LRBA: variants seen among roughly 807,000 people sequenced by gnomAD.
LRBA encodes the protein lipopolysaccharide-responsive and beige-like anchor protein.
A neutral mutation model predicts 330.0 loss-of-function variants in LRBA; 176 were observed. The observed-to-expected ratio is 0.53, with a 90% CI of 0.47 to 0.60. The LOEUF (loss-of-function observed/expected upper bound fraction) is 0.60, where lower values mean the gene tolerates loss of function less well. Ranked by LOEUF, LRBA falls within the 20% of genes least tolerant of loss-of-function variation. The pLI is 0.00. For missense variants in LRBA, 3,259 were observed against 3,444.8 expected, an observed-to-expected ratio of 0.95 and a Z score of 1.35; for synonymous variants, 1,230 against 1,193.0, an observed-to-expected ratio of 1.03 and a Z score of -0.64.
rs748265041 is a variant in LRBA, at chr4:150,282,533, T to A, written c.8233A>T (p.Ile2745Leu). The A allele has an allele frequency of 2.5e-6, 4 of 1,614,130 alleles. No individual in the cohort carries two copies. The highest frequency in any genetic ancestry group is 3.4e-6 in the Non-Finnish European group (4 of 1,179,968). ...CAGAAGAGGCCGTTTTCATAGAATA[T>A]GACACAATGACCCTCTCTTGAAGCC... ...IQASREGHCV[I>L]FYENGLFCTF... is the part of the protein sequence containing the mutation. Residue 2745 changes from isoleucine (I) to leucine (L), a missense_variant, in exon 55 of 57, where the codon ATA becomes TTA. Physicochemically the swap from Ile to Leu is conservative, Grantham distance 5. Transcript: ENST00000651943.
rs1329256446 is a variant in LRBA at position 150,264,647 on chromosome 4, T to C, written c.*1075A>G. 6.6e-6 allele frequency: 1 copy of C among 152,542 alleles called. No individual in the cohort carries two copies. Among genetic ancestry groups the C allele is most frequent in the African/African-American group, 2.4e-5 (1 of 41,406 alleles). 9.4% of individuals were successfully genotyped at this position (152,542 alleles called of 1,614,324 possible). A position where few individuals can be genotyped will look rare whatever the true frequency, so the allele number is the denominator to read the frequency against. ...CACTTGAAGTCTGTTGCAAGAGAAA[T>C]AGAGATCAAAGTTCACAACATACAA... On this transcript the variant is annotated 3_prime_UTR_variant, in exon 57 of 57. Transcript: ENST00000651943.
intron 34 of LRBA, among the ~76,000 whole-genome samples, chr4:150,783,331 C>T (rs752895466): frequency 3.9e-5 from 6 of 152,138 alleles, no homozygotes; most frequent in South Asian, 2.1e-4. Flanking sequence ...AGGATAATAG[C>T]GTACCGTTCC....
intron 2 of LRBA, among the ~76,000 whole-genome samples, chr4:150,949,567 A>C (rs948675421): frequency 6.6e-6 from 1 of 152,114 alleles, no homozygotes; most frequent in South Asian, 2.1e-4. Context: ...TCTCTGCATT[A>C]TGTCTTCAAC....
intron 2 of LRBA, among the ~76,000 whole-genome samples, chr4:151,000,349 C>A (rs758106018): frequency 3.3e-5 from 5 of 152,124 alleles, no homozygotes; most frequent in Non-Finnish European, 5.9e-5. Flanking sequence ...ATACTGCAAA[C>A]CTTAGCAACC....
At chr4:150,978,186 C>G (rs1740418652) in intron 2 of LRBA, among the ~76,000 whole-genome samples, 1 of 151,600 alleles carries the variant, frequency 6.6e-6, no homozygotes, top group South Asian at 2.1e-4. Flanking sequence ...TGGTTCAGCA[C>G]AGAGAGAGAG....
At chr4:150,480,387 C>T (rs1308365361) in intron 42 of LRBA, among the ~76,000 whole-genome samples, 1 of 152,012 alleles carries the variant, frequency 6.6e-6, no homozygotes, top group Non-Finnish European at 1.5e-5. Flanking sequence ...AGAGGCTACA[C>T]ATACAGGTTT....
chr4:150,703,967 G>A (rs911505047), intron 36 of LRBA, among the ~76,000 whole-genome samples: 1 of 152,202 alleles, frequency 6.6e-6, no homozygotes, highest in East Asian at 1.9e-4. Context: ...CAATTGGAGA[G>A]GCCAAGGTGG....
At chr4:150,720,261 A>G (rs144576634) in intron 36 of LRBA, among the ~76,000 whole-genome samples, 1 of 152,174 alleles carries the variant, frequency 6.6e-6, no homozygotes, top group Non-Finnish European at 1.5e-5. Context: ...TTAATACATA[A>G]ATTTAAAATA....
At chr4:150,484,955 A>C (rs1757703750) in intron 42 of LRBA, among the ~76,000 whole-genome samples, 1 of 151,848 alleles carries the variant, frequency 6.6e-6, no homozygotes, top group African/African-American at 2.4e-5. Context: ...ATTTTCCAAA[A>C]ACCTTTCTGT....
intron 37 of LRBA, among the ~76,000 whole-genome samples, chr4:150,681,435 G>A (rs1783049754): frequency 6.6e-6 from 1 of 151,968 alleles, no homozygotes; most frequent in East Asian, 1.9e-4. Context: ...TCACATTATT[G>A]GGAATTAATA....
intron 42 of LRBA, among the ~76,000 whole-genome samples, chr4:150,474,184 G>A (rs1159638221): frequency 6.6e-6 from 1 of 151,956 alleles, no homozygotes; most frequent in Admixed American, 6.6e-5. Flanking sequence ...AAATTTTCTT[G>A]TATGTAAACA....
At chr4:150,827,978 T>G (rs1308218046) in intron 30 of LRBA, among the ~76,000 whole-genome samples, 1 of 152,140 alleles carries the variant, frequency 6.6e-6, no homozygotes, top group African/African-American at 2.4e-5. Flanking sequence ...ATAATACATA[T>G]AACAATCAAA....
chr4:150,526,834 CAAAAT>C (rs1763528760), intron 40 of LRBA, among the ~76,000 whole-genome samples: 1 of 151,868 alleles, frequency 6.6e-6, no homozygotes, highest in Non-Finnish European at 1.5e-5. Flanking sequence ...TCATGTATAA[CAAAAT>C]AAACAATTTA....
At chr4:150,546,590 A>G (rs1286510371) in intron 40 of LRBA, among the ~76,000 whole-genome samples, 1 of 152,234 alleles carries the variant, frequency 6.6e-6, no homozygotes, top group Non-Finnish European at 1.5e-5. Context: ...CAAAAATACC[A>G]GAGTGGTCTT....
At chr4:150,347,578 G>A (rs760712451) in intron 48 of LRBA, among the ~76,000 whole-genome samples, 3 of 151,800 alleles carry the variant, frequency 2.0e-5, no homozygotes, top group African/African-American at 7.3e-5. Context: ...CCCAGGAGGC[G>A]GAGGTTGTAA....
chr4:150,605,779 C>T (rs972471811), intron 37 of LRBA, among the ~76,000 whole-genome samples: 2 of 152,036 alleles, frequency 1.3e-5, no homozygotes, highest in Non-Finnish European at 2.9e-5. Flanking sequence ...TCTATGGTGC[C>T]TTCATGCAAA....
intron 47 of LRBA, among the ~76,000 whole-genome samples, chr4:150,392,450 C>T (rs766890626): frequency 6.6e-6 from 1 of 152,118 alleles, no homozygotes; most frequent in Non-Finnish European, 1.5e-5. Flanking sequence ...TCCATCATGA[C>T]GGCTCCAATA....
chr4:150,556,682 C>A (rs1386386671), intron 40 of LRBA, among the ~76,000 whole-genome samples: 1 of 152,106 alleles, frequency 6.6e-6, no homozygotes, highest in Non-Finnish European at 1.5e-5. Context: ...ATAAATTATA[C>A]AAATACTGTG....
chr4:150,305,044 G>A (rs1245060268), intron 52 of LRBA, among the ~76,000 whole-genome samples: 6 of 152,150 alleles, frequency 3.9e-5, no homozygotes, highest in Admixed American at 2.6e-4. Flanking sequence ...GTATGGGCAG[G>A]CTTATTTCAG....
Sources: gnomAD v4.1 joint callset for allele counts (sites outside exome capture counted in the v4.1 genomes callset) on GRCh38, gnomAD v4.1.1 for gene constraint, MANE v1.5 for transcripts, NCBI Gene and HGNC (gene_info 2026-07-23, HGNC 2026-07-21) for gene names.